PIK3CD: variants seen among roughly 807,000 people sequenced by gnomAD.
The protein encoded by PIK3CD is phosphatidylinositol 4,5-bisphosphate 3-kinase catalytic subunit delta isoform.
PIK3CD carries 20 observed loss-of-function variants against 122.9 expected under a neutral mutation model. That is an observed-to-expected ratio of 0.16 (90% CI 0.11 to 0.24). PIK3CD has a LOEUF of 0.24. Ranked by LOEUF, PIK3CD falls within the 10% of genes least tolerant of loss-of-function variation. PIK3CD has a pLI of 1.00. For synonymous variants in PIK3CD, 596 were observed against 593.4 expected, an observed-to-expected ratio of 1.00 and a Z score of -0.06; for missense variants, 787 against 1,406.3, an observed-to-expected ratio of 0.56 and a Z score of 7.04.
At chr1:9,694,403 G>A (rs890006752) in intron 2 of PIK3CD, among the ~76,000 whole-genome samples, 12 of 152,268 alleles carry the variant, frequency 7.9e-5, no homozygotes, top group South Asian at 6.2e-4. Flanking sequence ...GTGTGGTGGC[G>A]CGTGCCTGTA....
the PIK3CD span, among the ~76,000 whole-genome samples, chr1:9,633,257 T>A: frequency 3.3e-5 from 5 of 152,206 alleles, no homozygotes; most frequent in Non-Finnish European, 7.3e-5. Context: ...CGTGGTTTCC[T>A]GGTTTTCAAC....
chr1:9,634,074 T>C, the PIK3CD span, among the ~76,000 whole-genome samples: 1 of 151,566 alleles, frequency 6.6e-6, no homozygotes, highest in Admixed American at 6.6e-5. Flanking sequence ...AGGGCTCAGG[T>C]AATCCTCCCT....
chr1:9,720,207 G>A lies in PIK3CD; in HGVS notation c.1435G>A (p.Ala479Thr), dbSNP rs1648293206. The stretch of plus-strand genomic sequence containing the variant: ...CCTGCTCATCTGCCTGCCCGAGGTG[G>A]CCCCGCACCCCGTGTACTACCCCGC... ...AALLICLPEV[A>T]PHPVYYPALE... The change falls in exon 11 of 24, where the codon GCC becomes ACC. Residue 479 changes from alanine to threonine, a missense_variant. Coordinates refer to ENST00000377346, the MANE Select transcript of PIK3CD (RefSeq NM_005026.5). The surrounding 1 kb of genome is among the most constrained non-coding windows in gnomAD (Gnocchi z 9.0). 6.2e-7 allele frequency: 1 copy of A among 1,610,918 alleles called. No individual in the cohort carries two copies. The highest frequency in any genetic ancestry group is 1.3e-5 in the African/African-American group (1 of 74,998).
At chr1:9,663,198 C>T (rs1645057867) in intron 1 of PIK3CD, among the ~76,000 whole-genome samples, 1 of 152,188 alleles carries the variant, frequency 6.6e-6, no homozygotes. Context: ...TCCAAGTCAG[C>T]GTCTATTCAA....
At chr1:9,699,474 T>A (rs1292224523) in intron 2 of PIK3CD, among the ~76,000 whole-genome samples, 2 of 152,178 alleles carry the variant, frequency 1.3e-5, no homozygotes, top group Non-Finnish European at 2.9e-5. Flanking sequence ...CTTGTAATGA[T>A]ACTGGACTCC....
At chr1:9,690,400 G>T (rs1646158150) in intron 1 of PIK3CD, among the ~76,000 whole-genome samples, 1 of 152,164 alleles carries the variant, frequency 6.6e-6, no homozygotes, top group Non-Finnish European at 1.5e-5. Flanking sequence ...CTTTCCTTAT[G>T]ATCCTGTCTC....
At chr1:9,673,485 T>C (rs1645402341) in intron 1 of PIK3CD, among the ~76,000 whole-genome samples, 1 of 152,108 alleles carries the variant, frequency 6.6e-6, no homozygotes, top group Admixed American at 6.6e-5. Flanking sequence ...GATCTCGAAC[T>C]CCTGACTTCA....
chr1:9,689,700 C>G lies in PIK3CD; in HGVS notation c.-137-1767C>G, dbSNP rs1213115485. 6.6e-6 allele frequency among the ~76,000 whole-genome samples: 1 copy of G among 151,598 alleles called. No homozygotes were observed. The highest frequency in any genetic ancestry group is 1.5e-5 in the Non-Finnish European group (1 of 67,768). On this transcript the variant is annotated intron_variant, in intron 1 of 23. Transcript: ENST00000377346. This position sits in a 1 kb window ranked among gnomAD's most constrained non-coding sequence, Gnocchi z 6.1. Reference sequence around the variant, plus strand: ...CAACTGTCTCCAGGGAGATCGGGCCCCGCCCCCGGCAGCGACACCCGGTAC... The same window carrying G: ...CAACTGTCTCCAGGGAGATCGGGCCGCGCCCCCGGCAGCGACACCCGGTAC...
At chr1:9,716,109 G>A (rs778448329) in intron 5 of PIK3CD, 31 bp downstream of exon 5, 2 of 1,561,402 alleles carry the variant, frequency 1.3e-6, no homozygotes, top group Non-Finnish European at 1.8e-6. Flanking sequence ...CGGCATCCAG[G>A]CTGCTCTGTC....
Position 9,652,767 on chromosome 1 carries a change from G to A in PIK3CD, c.-138+965G>A, listed in dbSNP as rs961162114. On this transcript the variant is annotated intron_variant, in intron 1 of 23. Coordinates refer to ENST00000377346, the MANE Select transcript of PIK3CD (RefSeq NM_005026.5). This position sits in a 1 kb window ranked among gnomAD's most constrained non-coding sequence, Gnocchi z 6.2. ...GGGAGACGGGGGTCCAGAGAACCGG[G>A]GAAGGGCCGCTGGGAGGTCCCGAAA... is the stretch of plus-strand genomic sequence containing the variant. 1 of 152,280 alleles carries A rather than the reference G, an allele frequency of 6.6e-6. No homozygotes were observed. The highest frequency in any genetic ancestry group is 1.5e-5 in the Non-Finnish European group (1 of 68,110). 9.4% of individuals were successfully genotyped at this position (152,280 alleles called of 1,614,324 possible). A position where few individuals can be genotyped will look rare whatever the true frequency, so the allele number is the denominator to read the frequency against.
At chr1:9,683,058 G>GTTTTTT (rs1383089515) in intron 1 of PIK3CD, among the ~76,000 whole-genome samples, 1 of 142,792 alleles carries the variant, frequency 7.0e-6, no homozygotes, top group African/African-American at 2.8e-5. Flanking sequence ...TTTTTTTTGG[G>GTTTTTT]GGGCTGGGTC....
At chr1:9,705,670 T>C (rs934230060) in intron 2 of PIK3CD, among the ~76,000 whole-genome samples, 1 of 152,148 alleles carries the variant, frequency 6.6e-6, no homozygotes, top group African/African-American at 2.4e-5. Flanking sequence ...AAAGATTAAG[T>C]AACCCCACAG....
intron 1 of PIK3CD, among the ~76,000 whole-genome samples, chr1:9,683,055 T>G (rs559959177): frequency 0.022 from 3,019 of 138,356 alleles, 73 homozygotes; most frequent in African/African-American, 0.064. Flanking sequence ...TTTTTTTTTT[T>G]GGGGGGCTGG....
At chr1:9,679,492 G>C (rs967586929) in intron 1 of PIK3CD, among the ~76,000 whole-genome samples, 4 of 151,796 alleles carry the variant, frequency 2.6e-5, no homozygotes, top group Non-Finnish European at 5.9e-5. Context: ...TGGCCAAGTA[G>C]GCTGAGCGCC....
intron 1 of PIK3CD, among the ~76,000 whole-genome samples, chr1:9,667,397 G>A (rs1645191737): frequency 1.3e-5 from 2 of 148,172 alleles, no homozygotes; most frequent in Non-Finnish European, 3.0e-5. Context: ...TTTTTTTTGA[G>A]ATGGAGGCTC....
At chr1:9,645,919 A>G in the PIK3CD span, among the ~76,000 whole-genome samples, 1 of 150,684 alleles carries the variant, frequency 6.6e-6, no homozygotes, top group Non-Finnish European at 1.5e-5. Context: ...TTTATTTTTT[A>G]TTTTTTATTT....
rs9430648 is a variant in PIK3CD, at chr1:9,689,877, T to G, written c.-137-1590T>G. ...TCAGGGGTCCGGGGCCGTGGGGGCTTGGGGGGCCGAGGCAGGGGGTTGCGT... is the reference window on the plus strand; with the variant it reads ...TCAGGGGTCCGGGGCCGTGGGGGCTGGGGGGGCCGAGGCAGGGGGTTGCGT... On this transcript the variant is annotated intron_variant, in intron 1 of 23. Transcript: ENST00000377346. This position sits in a 1 kb window ranked among gnomAD's most constrained non-coding sequence, Gnocchi z 6.1. Among the ~76,000 whole-genome samples, 74,714 of 150,364 alleles carry G rather than the reference T, an allele frequency of 0.5. 18,434 individuals carry two copies. The highest frequency in any genetic ancestry group is 0.61 in the South Asian group (2,880 of 4,714).
At chr1:9,663,367 G>A (rs1645064821) in intron 1 of PIK3CD, among the ~76,000 whole-genome samples, 1 of 152,138 alleles carries the variant, frequency 6.6e-6, no homozygotes, top group African/African-American at 2.4e-5. Context: ...CCGAGAGGGT[G>A]CGGAGGAACA....
At position 9,717,349 on chromosome 1, in the gene PIK3CD, G is replaced by A. The variant is rs1647655597; in HGVS notation, c.931-188G>A. Among the ~76,000 whole-genome samples the A allele has an allele frequency of 6.6e-6, 1 of 152,292 alleles. No homozygotes were observed. The highest frequency in any genetic ancestry group is 2.1e-4 in the South Asian group (1 of 4,820). On this transcript the variant is annotated intron_variant, in intron 7 of 23. Coordinates refer to ENST00000377346, the MANE Select transcript of PIK3CD (RefSeq NM_005026.5). The surrounding 1 kb of genome is among the most constrained non-coding windows in gnomAD (Gnocchi z 5.4). ...CTTCCCCTCTGCAGAGCTCAGGGGT[G>A]TTGGGGCCCCCTGGGGAGCCCGCAT...
Sources: gnomAD v4.1 joint callset for allele counts (sites outside exome capture counted in the v4.1 genomes callset) on GRCh38, gnomAD v4.1.1 for gene constraint, Gnocchi (gnomAD v3.1) non-coding constraint, MANE v1.5 for transcripts, NCBI Gene and HGNC (gene_info 2026-07-23, HGNC 2026-07-21) for gene names.